PGS1: variants seen among roughly 807,000 people sequenced by gnomAD.
PGS1 encodes the protein phosphatidylglycerophosphate synthase 1.
Under a neutral mutation model 58.3 loss-of-function variants are expected in PGS1, and 44 were observed. The ratio of observed to expected loss-of-function variants is 0.75; its 90% CI spans 0.59 to 0.97. PGS1 has a LOEUF of 0.97. PGS1 is among the 50% of genes least tolerant of loss of function. PGS1 has a pLI of 0.00. For synonymous variants in PGS1, 330 were observed against 311.0 expected, an observed-to-expected ratio of 1.06 and a Z score of -0.64; for missense variants, 684 against 731.1, an observed-to-expected ratio of 0.94 and a Z score of 0.74.
chr17:78,408,708 C>T (rs1422048792), intron 7 of PGS1, among the ~76,000 whole-genome samples: 1 of 152,160 alleles, frequency 6.6e-6, no homozygotes, highest in Non-Finnish European at 1.5e-5. Context: ...TCACCTGCAT[C>T]GCCTTGGCTT....
chr17:78,423,634 C>T, intron 9 of PGS1: 1 of 431,696 alleles, frequency 2.3e-6, no homozygotes, highest in East Asian at 4.0e-5. Flanking sequence ...GAATTGGGGC[C>T]TTTCCCCAAA....
intron 9 of PGS1, chr17:78,420,052 G>A: frequency 9.2e-7 from 1 of 1,085,732 alleles, no homozygotes; most frequent in Non-Finnish European, 1.1e-6. Context: ...GCACACTGGT[G>A]CAGGAGATGT....
rs755793480 is a variant in PGS1 at position 78,378,689 on chromosome 17, G to T, written c.24G>T (p.Ala8=). Residue 8 remains alanine (A), a synonymous_variant, in exon 1 of 10, where the codon GCG becomes GCT. Transcript: ENST00000262764. ...CCATGGCGGTGGCGGCGGCAGCTGC[G>T]GCGGGACCCGTGTTCTGGAGGCGAC... MAVAAAA[A]AGPVFWRRLL... 6 of 1,525,286 alleles carry T rather than the reference G, an allele frequency of 3.9e-6. No individual in the cohort carries two copies. Among genetic ancestry groups the T allele is most frequent in the African/African-American group, 1.4e-5 (1 of 69,814 alleles). 94.5% of individuals were successfully genotyped at this position (1,525,286 alleles called of 1,614,324 possible). A position where few individuals can be genotyped will look rare whatever the true frequency, so the allele number is the denominator to read the frequency against.
chr17:78,408,483 C>T (rs906999191), intron 7 of PGS1, among the ~76,000 whole-genome samples: 8 of 152,128 alleles, frequency 5.3e-5, no homozygotes, highest in African/African-American at 1.7e-4. Context: ...ATAAAATAAC[C>T]GTATGGTTCC....
chr17:78,383,325 C>T (rs1300148819), intron 1 of PGS1, among the ~76,000 whole-genome samples: 1 of 151,952 alleles, frequency 6.6e-6, no homozygotes, highest in East Asian at 1.9e-4. Context: ...CTCCTGGCTT[C>T]AAGCGATTCT....
At chr17:78,413,508 C>T (rs2084905337) in intron 7 of PGS1, among the ~76,000 whole-genome samples, 1 of 152,146 alleles carries the variant, frequency 6.6e-6, no homozygotes, top group South Asian at 2.1e-4. Flanking sequence ...CCTGCTTGCT[C>T]TTGCCCACAG....
chr17:78,380,844 T>A (rs987294639), intron 1 of PGS1: 7 of 152,194 alleles, frequency 4.6e-5, no homozygotes, highest in African/African-American at 1.7e-4. Flanking sequence ...TTTTTTCTTT[T>A]TCTTTTTCTT....
intron 1 of PGS1, among the ~76,000 whole-genome samples, chr17:78,385,183 A>G (rs369694033): frequency 4.1e-4 from 62 of 152,300 alleles, no homozygotes; most frequent in Middle Eastern, 6.8e-3. Context: ...CAGTGGCGCA[A>G]TCTCGGCTCA....
chr17:78,420,021 G>C (rs1344879282), intron 9 of PGS1: 1 of 1,144,626 alleles, frequency 8.7e-7, no homozygotes, highest in Admixed American at 4.0e-5. Context: ...CAGAAAGGCA[G>C]ATTGAGCCCC....
intron 8 of PGS1, among the ~76,000 whole-genome samples, chr17:78,415,383 C>T (rs935268278): frequency 2.0e-5 from 3 of 152,222 alleles, no homozygotes; most frequent in Admixed American, 6.5e-5. Flanking sequence ...GTAATCCCAG[C>T]ACTTTGGGAG....
chr17:78,417,150 G>A (rs935603112), intron 8 of PGS1, among the ~76,000 whole-genome samples: 6 of 152,224 alleles, frequency 3.9e-5, no homozygotes, highest in East Asian at 1.9e-4. Context: ...CTCGAACAGC[G>A]TCGTAACCTC....
In PGS1 at chr17:78,401,814, A is replaced by G. The variant is rs530642006; in HGVS notation, c.880+959A>G. ...TCTGTATCTCTCTTGCTGAGTGCCT[A>G]CCTAGCATCCTCAGCTTTGCCTTTT... On this transcript the variant is annotated intron_variant, in intron 6 of 9. Transcript: ENST00000262764. Among the ~76,000 whole-genome samples, 6 of 152,298 alleles carry G rather than the reference A, an allele frequency of 3.9e-5. No homozygotes were observed. In the East Asian group the frequency reaches 1.2e-3, roughly 29 times the overall value.
In PGS1 at chr17:78,392,467, T is replaced by C; in HGVS notation, c.144-9T>C. The C allele has an allele frequency of 6.2e-7, 1 of 1,603,470 alleles. No individual in the cohort carries two copies. Among genetic ancestry groups the C allele is most frequent in the South Asian group, 1.1e-5 (1 of 89,742 alleles). On this transcript the variant is annotated splice_polypyrimidine_tract_variant and intron_variant, in intron 1 of 9. Coordinates refer to ENST00000262764, the MANE Select transcript of PGS1 (RefSeq NM_024419.5). ...GAGGTGTGACCCAGTTGCATATTTC[T>C]TTAACCAGGTCACCATGGCTGTTAT...
At chr17:78,405,508 A>G (rs1375688068) in intron 7 of PGS1, among the ~76,000 whole-genome samples, 1 of 152,102 alleles carries the variant, frequency 6.6e-6, no homozygotes, top group Non-Finnish European at 1.5e-5. Flanking sequence ...TCTGCAATGC[A>G]TGTTTATCCC....
chr17:78,417,927 A>C (rs2146333882), intron 8 of PGS1, among the ~76,000 whole-genome samples: 1 of 86,400 alleles, frequency 1.2e-5, no homozygotes, highest in African/African-American at 4.2e-5. Context: ...AGCATATATA[A>C]ATTTTTTTTT....
At chr17:78,409,597 C>T (rs1477441822) in intron 7 of PGS1, among the ~76,000 whole-genome samples, 1 of 152,204 alleles carries the variant, frequency 6.6e-6, no homozygotes, top group East Asian at 1.9e-4. Flanking sequence ...TGAGCACACA[C>T]ACCAGCCTGT....
rs1229693048 is a variant in PGS1, at chr17:78,389,147, C to T, written c.144-3329C>T. Among the ~76,000 whole-genome samples, 5 of 144,738 alleles carry T rather than the reference C, an allele frequency of 3.5e-5. No homozygotes were observed. The East Asian group carries it at 1.0e-3, about 29-fold the overall frequency. The allele number at this position is 144,738 out of a possible 152,430, so 95.0% of individuals were successfully genotyped here. A position where few individuals can be genotyped will look rare whatever the true frequency, so the allele number is the denominator to read the frequency against. On this transcript the variant is annotated intron_variant, in intron 1 of 9. Coordinates refer to ENST00000262764, the MANE Select transcript of PGS1 (RefSeq NM_024419.5). ...GTGTGATCTCGGCTCACTGCAACCT[C>T]TGGCGCCCAGGTTCAAGCAGTTCTG...
intron 7 of PGS1, among the ~76,000 whole-genome samples, chr17:78,411,140 G>A (rs888198046): frequency 5.3e-5 from 8 of 152,326 alleles, no homozygotes; most frequent in South Asian, 2.1e-4. Context: ...CCATGCCACC[G>A]TCTGGGGCCG....
chr17:78,419,271 A>G (rs182816266), intron 8 of PGS1, among the ~76,000 whole-genome samples: 8 of 152,288 alleles, frequency 5.3e-5, no homozygotes, highest in African/African-American at 1.9e-4. Context: ...TCAGCCTCCA[A>G]AAGTGTTGGG....
Sources: allele counts gnomAD v4.1 joint callset (sites outside exome capture counted in the v4.1 genomes callset), GRCh38; gene constraint gnomAD v4.1.1; transcripts MANE v1.5; gene names NCBI Gene and HGNC (gene_info 2026-07-23, HGNC 2026-07-21).